Variants in PLXDC2 observed in about 807,000 individuals in gnomAD.
PLXDC2 encodes the protein plexin domain containing 2.
PLXDC2 carries 40 observed loss-of-function variants against 68.9 expected under a neutral mutation model. That is an observed-to-expected ratio of 0.58 (90% CI 0.45 to 0.76). PLXDC2 has a LOEUF of 0.76. Among genes scored for constraint, PLXDC2 ranks in the 30% least tolerant of loss-of-function variants. The pLI is 0.00. For missense variants in PLXDC2, 644 were observed against 661.9 expected, an observed-to-expected ratio of 0.97 and a Z score of 0.30; for synonymous variants, 243 against 234.2, an observed-to-expected ratio of 1.04 and a Z score of -0.34.
chr10:20,106,060 A>C (rs1483415278), intron 4 of PLXDC2, among the ~76,000 whole-genome samples: 1 of 152,198 alleles, frequency 6.6e-6, no homozygotes, highest in African/African-American at 2.4e-5. Context: ...GATAAAGCAG[A>C]ATTCTTGCCT....
intron 1 of PLXDC2, among the ~76,000 whole-genome samples, chr10:19,917,321 G>T (rs546496188): frequency 2.0e-5 from 3 of 151,982 alleles, no homozygotes; most frequent in Admixed American, 6.6e-5. Flanking sequence ...TTATGTTCTT[G>T]GTGGGCTACA....
chr10:20,057,318 A>G (rs1411198354), intron 3 of PLXDC2, among the ~76,000 whole-genome samples: 1 of 152,124 alleles, frequency 6.6e-6, no homozygotes, highest in East Asian at 1.9e-4. Context: ...ATTATAAAAG[A>G]TTGTGTTTGA....
At chr10:19,822,149 T>C (rs1027745528) in intron 1 of PLXDC2, among the ~76,000 whole-genome samples, 7 of 150,460 alleles carry the variant, frequency 4.7e-5, no homozygotes, top group African/African-American at 1.5e-4. Context: ...ATGCACTATA[T>C]ATGCAATATA....
chr10:20,166,259 A>G (rs1375751517), intron 7 of PLXDC2, among the ~76,000 whole-genome samples: 1 of 152,204 alleles, frequency 6.6e-6, no homozygotes, highest in Non-Finnish European at 1.5e-5. Context: ...CTGAATGGTT[A>G]TGTTACAACT....
intron 1 of PLXDC2, among the ~76,000 whole-genome samples, chr10:19,858,203 G>A (rs757748495): frequency 1.8e-4 from 28 of 152,188 alleles, no homozygotes; most frequent in Non-Finnish European, 3.4e-4. Context: ...AATCTCCCTC[G>A]GGTGGCTGTA....
Position 20,046,908 on chromosome 10 carries a change from G to A in PLXDC2, c.364G>A (p.Gly122Ser). The A allele has an allele frequency of 6.2e-7, 1 of 1,612,000 alleles. No homozygotes were observed. The highest frequency in any genetic ancestry group is 8.5e-7 in the Non-Finnish European group (1 of 1,178,856). Residue 122 changes from glycine (G) to serine (S), a missense_variant, in exon 3 of 14, where the codon GGT (glycine) becomes AGT (serine). Coordinates refer to ENST00000377252, the MANE Select transcript of PLXDC2 (RefSeq NM_032812.9). ...DHNYYISRIY[G>S]PSDSASRDLW... ...CAATTACTATATATCTCGAATATAT[G>A]GTCCATCTGATTCTGCCAGCCGGGA...
chr10:20,001,950 G>T lies in PLXDC2; in HGVS notation c.288G>T (p.Leu96=), dbSNP rs764044436. 6.8e-6 allele frequency: 11 copies of T among 1,612,866 alleles called. No individual in the cohort carries two copies. Among genetic ancestry groups the T allele is most frequent in the Non-Finnish European group, 9.3e-6 (11 of 1,179,950 alleles). ...AGCCCAGAAGCTTCACAGACCTGCT[G>T]CTGGATGATGGGCAGGACAATAACA... ...SPEPRSFTDL[L]LDDGQDNNTQ... The change falls in exon 2 of 14, where the codon CTG becomes CTT. Residue 96 remains leucine (L), a synonymous_variant. Coordinates refer to ENST00000377252, the MANE Select transcript of PLXDC2 (RefSeq NM_032812.9).
chr10:19,950,008 A>G (rs1326234), intron 1 of PLXDC2, among the ~76,000 whole-genome samples: 24,659 of 152,168 alleles, frequency 0.16, 2,154 homozygotes, highest in South Asian at 0.26. Context: ...CAGCAAAGGA[A>G]CATGCTTTAA....
At chr10:20,018,378 T>C (rs1257820652) in intron 2 of PLXDC2, among the ~76,000 whole-genome samples, 56 of 152,216 alleles carry the variant, frequency 3.7e-4, no homozygotes, top group Admixed American at 3.7e-3. Context: ...TCTCCTATAC[T>C]TATTTTATTT....
intron 2 of PLXDC2, among the ~76,000 whole-genome samples, chr10:20,011,072 GC>G (rs1356748493): frequency 6.6e-6 from 1 of 152,108 alleles, no homozygotes; most frequent in Non-Finnish European, 1.5e-5. Flanking sequence ...TTATAGTTCA[GC>G]CCCAATGTCA....
Position 19,816,832 on chromosome 10 carries a change from G to C in PLXDC2, c.-248G>C, listed in dbSNP as rs1441343789. On this transcript the variant is annotated 5_prime_UTR_variant, in exon 1 of 14. Coordinates refer to ENST00000377252, the MANE Select transcript of PLXDC2 (RefSeq NM_032812.9). ...TCCCCGCGGTTGTTGTTCAGTGTCG[G>C]GTGAGGGCTGCGAGTGTGGCAAGTT... The C allele has an allele frequency of 1.2e-5, 7 of 566,826 alleles. No homozygotes were observed. The highest frequency in any genetic ancestry group is 1.9e-5 in the Non-Finnish European group (6 of 318,904). 35.1% of individuals were successfully genotyped at this position (566,826 alleles called of 1,614,324 possible). A position where few individuals can be genotyped will look rare whatever the true frequency, so the allele number is the denominator to read the frequency against.
At chr10:20,213,467 C>T (rs1001432691) in intron 10 of PLXDC2, among the ~76,000 whole-genome samples, 1 of 151,992 alleles carries the variant, frequency 6.6e-6, no homozygotes, top group Admixed American at 6.6e-5. Context: ...GGACAAATCT[C>T]CTTACTTTTT....
Position 20,279,823 on chromosome 10 carries a change from T to C in PLXDC2, c.*4T>C. The stretch of plus-strand genomic sequence containing the variant: ...TATTGTATCAGAGCAGTGCTAAAAT[T>C]TCTAGGACAGAACAACACCAGTACT... On this transcript the variant is annotated 3_prime_UTR_variant, in exon 14 of 14. Coordinates refer to ENST00000377252, the MANE Select transcript of PLXDC2 (RefSeq NM_032812.9). 1 of 1,612,982 alleles carries C rather than the reference T, an allele frequency of 6.2e-7. No individual in the cohort carries two copies. Among genetic ancestry groups the C allele is most frequent in the Non-Finnish European group, 8.5e-7 (1 of 1,179,096 alleles).
intron 1 of PLXDC2, among the ~76,000 whole-genome samples, chr10:19,947,040 C>T (rs957234504): frequency 3.9e-5 from 6 of 151,974 alleles, no homozygotes; most frequent in Middle Eastern, 3.4e-3. Flanking sequence ...AAGTAAAAAG[C>T]GGAACTGAGA....
chr10:20,177,645 C>T (rs1834545443), intron 9 of PLXDC2, among the ~76,000 whole-genome samples: 1 of 151,852 alleles, frequency 6.6e-6, no homozygotes. Context: ...AGGTGCGTGC[C>T]TGTAGTCTCA....
At chr10:20,179,329 C>A (rs1310079366) in intron 9 of PLXDC2, among the ~76,000 whole-genome samples, 4 of 152,054 alleles carry the variant, frequency 2.6e-5, no homozygotes, top group Non-Finnish European at 4.4e-5. Flanking sequence ...AAGGCAGAGA[C>A]CATATCCAAT....
chr10:20,237,630 T>C (rs1835451374), intron 12 of PLXDC2, among the ~76,000 whole-genome samples: 2 of 152,222 alleles, frequency 1.3e-5, no homozygotes. Context: ...TACTGTTCCA[T>C]GGGGGAATTC....
At position 20,164,486 on chromosome 10, in the gene PLXDC2, C is replaced by CTT; in HGVS notation, c.802_803insTT (p.Gln268LeufsTer3). 1 of 1,613,306 alleles carries CTT rather than the reference C, an allele frequency of 6.2e-7. No individual in the cohort carries two copies. The highest frequency in any genetic ancestry group is 1.1e-5 in the South Asian group (1 of 91,072). Reference sequence around the variant, plus strand: ...TTTCCAGATTCCTGTCTTGGTCACACAGATAAGTTCAACCAATCATCCAGT... The same window carrying CTT: ...TTTCCAGATTCCTGTCTTGGTCACACTTAGATAAGTTCAACCAATCATCCAGT... On this transcript the variant is annotated frameshift_variant, in exon 7 of 14. Coordinates refer to ENST00000377252, the MANE Select transcript of PLXDC2 (RefSeq NM_032812.9). LOFTEE classifies it high-confidence loss of function.
chr10:20,212,026 A>G (rs16920096), intron 10 of PLXDC2, among the ~76,000 whole-genome samples: 34,248 of 151,712 alleles, frequency 0.23, 4,821 homozygotes, highest in East Asian at 0.42. Flanking sequence ...CATTCTATGA[A>G]GAACAGTGCC....
Sources: gnomAD v4.1 joint callset for allele counts (sites outside exome capture counted in the v4.1 genomes callset) on GRCh38, gnomAD v4.1.1 for gene constraint, MANE v1.5 for transcripts, NCBI Gene and HGNC (gene_info 2026-07-23, HGNC 2026-07-21) for gene names.